CTNNA2: variants seen among roughly 807,000 people sequenced by gnomAD.
CTNNA2 encodes catenin alpha 2, also known as catenin alpha-2.
In CTNNA2, 42 loss-of-function variants were observed where a neutral mutation model predicts 101.0. The ratio of observed to expected loss-of-function variants is 0.42; its 90% CI spans 0.32 to 0.54. The LOEUF is 0.54. Among genes scored for constraint, CTNNA2 ranks in the 20% least tolerant of loss-of-function variants. CTNNA2 has a pLI of 0.14. For missense variants in CTNNA2, 871 were observed against 1,223.1 expected (o/e 0.71, Z 4.29); for synonymous variants, 450 against 456.4 (o/e 0.99, Z 0.18).
At chr2:79,597,465 CAAAA>C (rs35049509) in intron 1 of CTNNA2, among the ~76,000 whole-genome samples, 21 of 138,672 alleles carry the variant, frequency 1.5e-4, no homozygotes, top group Non-Finnish European at 1.4e-4. Flanking sequence ...GAGCGGGTCT[CAAAA>C]AAAAAAAAAA....
chr2:80,451,345 G>A (rs1169730375), intron 9 of CTNNA2, among the ~76,000 whole-genome samples: 1 of 152,076 alleles, frequency 6.6e-6, no homozygotes, highest in Non-Finnish European at 1.5e-5. Flanking sequence ...CCCTTTGCTT[G>A]GCACTTCTCC....
chr2:80,229,439 G>C (rs1709069652), intron 7 of CTNNA2, among the ~76,000 whole-genome samples: 1 of 152,122 alleles, frequency 6.6e-6, no homozygotes. Context: ...CGCAAGAAAA[G>C]TTTACTTACC....
chr2:80,558,910 G>T (rs57493575), intron 12 of CTNNA2, among the ~76,000 whole-genome samples: 4,363 of 152,190 alleles, frequency 0.029, 119 homozygotes, highest in South Asian at 0.1. Context: ...AGTCAGACAT[G>T]CTCAACCTCT....
At chr2:79,246,978 T>C (rs78090300) in intron 2 of CTNNA2, among the ~76,000 whole-genome samples, 6,337 of 152,280 alleles carry the variant, frequency 0.042, 206 homozygotes, top group Non-Finnish European at 0.064. Flanking sequence ...TCATGGCCTT[T>C]GGTTTGCATC....
intron 9 of CTNNA2, among the ~76,000 whole-genome samples, chr2:80,464,097 T>C (rs1684666003): frequency 6.6e-6 from 1 of 152,108 alleles, no homozygotes; most frequent in African/African-American, 2.4e-5. Flanking sequence ...ATGCCTTCTC[T>C]CCCTCTCTCT....
chr2:80,124,936 G>A (rs1055702626), intron 7 of CTNNA2, among the ~76,000 whole-genome samples: 2 of 152,204 alleles, frequency 1.3e-5, no homozygotes, highest in African/African-American at 2.4e-5. Flanking sequence ...GGAGCTGAGA[G>A]TGGAGCAGGG....
intron 3 of CTNNA2, among the ~76,000 whole-genome samples, chr2:79,758,889 G>T (rs1368136475): frequency 6.6e-6 from 1 of 152,096 alleles, no homozygotes; most frequent in Non-Finnish European, 1.5e-5. Context: ...CTTTTGAAAA[G>T]AAAACAAACA....
intron 7 of CTNNA2, among the ~76,000 whole-genome samples, chr2:80,129,676 C>T (rs991568543): frequency 6.6e-6 from 1 of 152,166 alleles, no homozygotes; most frequent in African/African-American, 2.4e-5. Flanking sequence ...ATCATCTCAT[C>T]CTTAACTACA....
intron 7 of CTNNA2, among the ~76,000 whole-genome samples, chr2:80,043,085 TTCTTTCTTTCTCTCTC>T (rs1390043708): frequency 0.21 from 8,179 of 39,180 alleles, 1,178 homozygotes; most frequent in East Asian, 0.3. Context: ...CTTTCTTTCT[TTCTTTCTTTCTCTCTC>T]TCTCTCTCTC....
At chr2:79,999,449 G>A (rs769609747) in intron 7 of CTNNA2, among the ~76,000 whole-genome samples, 1 of 152,160 alleles carries the variant, frequency 6.6e-6, no homozygotes, top group African/African-American at 2.4e-5. Context: ...TTGGAAACAT[G>A]TTCCTTCCAC....
intron 6 of CTNNA2, among the ~76,000 whole-genome samples, chr2:79,877,385 C>T (rs933948905): frequency 6.6e-6 from 1 of 152,116 alleles, no homozygotes; most frequent in Non-Finnish European, 1.5e-5. Context: ...ATGTGATTCA[C>T]CTGCTGTAGA....
chr2:79,294,066 A>G (rs191264565), intron 2 of CTNNA2, among the ~76,000 whole-genome samples: 2 of 152,144 alleles, frequency 1.3e-5, no homozygotes, highest in African/African-American at 2.4e-5. Flanking sequence ...AGCAATGTAA[A>G]TTTCTCTCTC....
chr2:79,549,313 G>T (rs1673938530), intron 1 of CTNNA2, among the ~76,000 whole-genome samples: 1 of 152,146 alleles, frequency 6.6e-6, no homozygotes, highest in African/African-American at 2.4e-5. Context: ...TAGCACATGG[G>T]TCGGGGCAGT....
At chr2:79,522,525 A>G (rs368871853) in intron 1 of CTNNA2, among the ~76,000 whole-genome samples, 10 of 152,200 alleles carry the variant, frequency 6.6e-5, no homozygotes, top group African/African-American at 2.4e-4. Flanking sequence ...GCAAAAATCC[A>G]GGCTGACACA....
chr2:79,948,405 T>G (rs1480025033), intron 7 of CTNNA2, among the ~76,000 whole-genome samples: 1 of 152,228 alleles, frequency 6.6e-6, no homozygotes, highest in African/African-American at 2.4e-5. Context: ...TTGCTAACAA[T>G]AGCCTTCATG....
intron 2 of CTNNA2, among the ~76,000 whole-genome samples, chr2:79,728,792 A>G (rs1422570321): frequency 2.6e-5 from 4 of 152,146 alleles, no homozygotes; most frequent in Non-Finnish European, 5.9e-5. Context: ...CTTTCTCCAT[A>G]TGGCTAGCCA....
chr2:79,789,976 G>T (rs934379837), intron 3 of CTNNA2, among the ~76,000 whole-genome samples: 1 of 152,106 alleles, frequency 6.6e-6, no homozygotes, highest in African/African-American at 2.4e-5. Flanking sequence ...TTCTGGGAGA[G>T]AGTCAGCCAA....
intron 3 of CTNNA2, among the ~76,000 whole-genome samples, chr2:79,757,311 T>C (rs552909789): frequency 6.6e-6 from 1 of 152,190 alleles, no homozygotes; most frequent in Non-Finnish European, 1.5e-5. Context: ...TTAGCAAAAA[T>C]GGCAAGAACA....
intron 2 of CTNNA2, among the ~76,000 whole-genome samples, chr2:79,668,246 CAAAAAAAAA>C (rs34348942): frequency 2.9e-5 from 2 of 69,310 alleles, no homozygotes; most frequent in African/African-American, 9.6e-5. Flanking sequence ...GACTCCGTCT[CAAAAAAAAA>C]AAAAAAAAAA....
Sources: allele counts gnomAD v4.1 joint callset (sites outside exome capture counted in the v4.1 genomes callset), GRCh38; gene constraint gnomAD v4.1.1; transcripts MANE v1.5; gene names NCBI Gene and HGNC (gene_info 2026-07-23, HGNC 2026-07-21).